The following CDH18 variants were observed in gnomAD, a reference collection of about 807,000 sequenced individuals.
The protein encoded by CDH18 is cadherin-18.
CDH18 carries 31 observed loss-of-function variants against 67.9 expected under a neutral mutation model. The observed-to-expected ratio is 0.46, with a 90% confidence interval of 0.34 to 0.62. CDH18 has a LOEUF of 0.62. Ranked by LOEUF, CDH18 falls within the 20% of genes least tolerant of loss-of-function variation. The probability of loss-of-function intolerance (pLI) is 0.01; values close to 1 mark genes in which losing one functional copy is unlikely to be tolerated. For synonymous variants in CDH18, 362 were observed against 347.2 expected (o/e 1.04, Z -0.48); for missense variants, 890 against 975.5 (o/e 0.91, Z 1.17).
At chr5:19,629,849 T>C (rs993804589) in intron 5 of CDH18, among the ~76,000 whole-genome samples, 1 of 152,052 alleles carries the variant, frequency 6.6e-6, no homozygotes, top group Non-Finnish European at 1.5e-5. Flanking sequence ...ATTAGAAAAA[T>C]AGACAACATA....
chr5:20,352,624 C>CAAAA (rs35947411), intron 1 of CDH18, among the ~76,000 whole-genome samples: 3 of 89,118 alleles, frequency 3.4e-5, no homozygotes, highest in South Asian at 4.4e-4. Context: ...ACTAAAAATA[C>CAAAA]AAAAAAAAAA....
intron 1 of CDH18, among the ~76,000 whole-genome samples, chr5:20,335,009 T>C (rs1255673327): frequency 2.0e-5 from 3 of 152,120 alleles, no homozygotes; most frequent in Non-Finnish European, 4.4e-5. Context: ...ATACCTTCCT[T>C]ACTGGTCTTT....
chr5:19,701,628 G>A (rs1176722003), intron 5 of CDH18, among the ~76,000 whole-genome samples: 1 of 152,018 alleles, frequency 6.6e-6, no homozygotes. Context: ...GGCAATGAAG[G>A]CATATTGGCT....
intron 9 of CDH18, among the ~76,000 whole-genome samples, chr5:19,536,349 G>T (rs1446804367): frequency 1.3e-5 from 2 of 152,164 alleles, no homozygotes; most frequent in East Asian, 3.9e-4. Flanking sequence ...ACTTTGGAAA[G>T]CAGAGCAAAA....
chr5:19,971,618 C>T (rs971692141), intron 2 of CDH18, among the ~76,000 whole-genome samples: 1 of 151,928 alleles, frequency 6.6e-6, no homozygotes, highest in African/African-American at 2.4e-5. Flanking sequence ...TCCATGTTCT[C>T]ACTTATAAAT....
rs562716538 is a variant in CDH18 at position 20,430,211 on chromosome 5, G to A, written c.-580+145251C>T. Among the ~76,000 whole-genome samples, 16 of 152,202 alleles carry A rather than the reference G, an allele frequency of 1.1e-4. 1 individual carries two copies. Among genetic ancestry groups the A allele is most frequent in the South Asian group, 6.2e-4 (3 of 4,830 alleles). ...TCAAAATTTTAAAATTATTAACAGCGTACTATGAAGAAAGCATGCAATCCC... is the reference window on the plus strand; with the variant it reads ...TCAAAATTTTAAAATTATTAACAGCATACTATGAAGAAAGCATGCAATCCC... On this transcript the variant is annotated intron_variant, in intron 1 of 14. Transcript: ENST00000507958.
chr5:20,186,039 G>A (rs1232581500), intron 2 of CDH18, among the ~76,000 whole-genome samples: 4 of 151,880 alleles, frequency 2.6e-5, no homozygotes, highest in East Asian at 1.9e-4. Context: ...AAGGAATGAA[G>A]ACTCATCTGT....
intron 5 of CDH18, among the ~76,000 whole-genome samples, chr5:19,659,937 A>G (rs1486513245): frequency 1.3e-5 from 2 of 152,124 alleles, no homozygotes; most frequent in Non-Finnish European, 2.9e-5. Flanking sequence ...TAGCAAATTT[A>G]TAAATTATCA....
At chr5:19,501,455 A>G (rs577828532) in intron 11 of CDH18, among the ~76,000 whole-genome samples, 1 of 150,622 alleles carries the variant, frequency 6.6e-6, no homozygotes, top group Admixed American at 6.6e-5. Context: ...AAAACAAACA[A>G]ACAAGCAAAC....
chr5:20,074,741 T>C (rs1294914976), intron 2 of CDH18, among the ~76,000 whole-genome samples: 3 of 151,610 alleles, frequency 2.0e-5, no homozygotes, highest in Non-Finnish European at 4.4e-5. Context: ...GGGGTTTTTT[T>C]TTTTGCATCA....
intron 12 of CDH18, among the ~76,000 whole-genome samples, chr5:19,474,081 T>C (rs544263176): frequency 5.9e-5 from 9 of 152,162 alleles, no homozygotes; most frequent in African/African-American, 2.2e-4. Flanking sequence ...ACTCAAAAAA[T>C]AATGTAGTGA....
intron 5 of CDH18, among the ~76,000 whole-genome samples, 150 bp downstream of exon 5, chr5:19,721,192 TATTTC>T (rs1017073785): frequency 7.2e-5 from 11 of 152,232 alleles, no homozygotes; most frequent in African/African-American, 2.4e-4. Flanking sequence ...TATTTTCAAT[TATTTC>T]ATTACATTGT....
intron 2 of CDH18, among the ~76,000 whole-genome samples, chr5:19,925,168 T>A (rs1407550845): frequency 6.6e-6 from 1 of 152,162 alleles, no homozygotes; most frequent in Non-Finnish European, 1.5e-5. Flanking sequence ...CATTTATCGA[T>A]AAGGTAAGTT....
At chr5:19,818,019 T>A (rs1432123757) in intron 3 of CDH18, among the ~76,000 whole-genome samples, 1 of 152,130 alleles carries the variant, frequency 6.6e-6, no homozygotes, top group Non-Finnish European at 1.5e-5. Flanking sequence ...TTCCATTTTT[T>A]TCCCAAAATT....
intron 2 of CDH18, among the ~76,000 whole-genome samples, chr5:20,085,558 T>C (rs1392098038): frequency 6.6e-6 from 1 of 152,164 alleles, no homozygotes; most frequent in East Asian, 1.9e-4. Context: ...ATTAGTCTGT[T>C]TTCATGCTTC....
chr5:19,820,182 C>A (rs72740838), intron 3 of CDH18, among the ~76,000 whole-genome samples: 1 of 152,096 alleles, frequency 6.6e-6, no homozygotes, highest in South Asian at 2.1e-4. Context: ...AGTTGGTCAT[C>A]CCTCTCTCCA....
intron 2 of CDH18, among the ~76,000 whole-genome samples, chr5:20,002,018 TAC>T: frequency 6.6e-6 from 1 of 152,320 alleles, no homozygotes; most frequent in African/African-American, 2.4e-5. Flanking sequence ...TTGGCAGTTT[TAC>T]ACACAGTGTC....
chr5:20,126,104 C>A (rs986289987), intron 2 of CDH18, among the ~76,000 whole-genome samples: 1 of 152,046 alleles, frequency 6.6e-6, no homozygotes, highest in East Asian at 1.9e-4. Context: ...ATGGTCCTGG[C>A]AAAAGACAGG....
At chr5:19,490,613 C>T (rs898500378) in intron 11 of CDH18, among the ~76,000 whole-genome samples, 2 of 151,684 alleles carry the variant, frequency 1.3e-5, no homozygotes, top group Admixed American at 6.6e-5. Flanking sequence ...CAGGGTTTCA[C>T]CATGTTGGCC....
Sources: gnomAD v4.1 joint callset for allele counts (sites outside exome capture counted in the v4.1 genomes callset) on GRCh38, gnomAD v4.1.1 for gene constraint, MANE v1.5 for transcripts, NCBI Gene and HGNC (gene_info 2026-07-23, HGNC 2026-07-21) for gene names.